Variants in CDHR2 observed in about 807,000 individuals in gnomAD.
CDHR2 encodes cadherin-related family member 2.
In CDHR2, 104 loss-of-function variants were observed where a neutral mutation model predicts 138.6. That is an observed-to-expected ratio of 0.75 (90% CI 0.64 to 0.88). The LOEUF is 0.88. Among genes scored for constraint, CDHR2 ranks in the 40% least tolerant of loss-of-function variants. The probability of loss-of-function intolerance (pLI) is 0.00; values close to 1 mark genes in which losing one functional copy is unlikely to be tolerated. For missense variants in CDHR2, 1,624 were observed against 1,727.6 expected, an observed-to-expected ratio of 0.94 and a Z score of 1.06; for synonymous variants, 755 against 742.8, an observed-to-expected ratio of 1.02 and a Z score of -0.27.
At chr5:176,548,237 G>A (rs1757626885), upstream of CDHR2, among the ~76,000 whole-genome samples, 1 of 152,246 alleles carries the variant, frequency 6.6e-6, no homozygotes, top group African/African-American at 2.4e-5. Flanking sequence ...CAGATATATG[G>A]TGCATGACTA....
chr5:176,573,912 TGCC>T (rs1304503138), intron 6 of CDHR2, among the ~76,000 whole-genome samples, 168 bp from the exon 7 acceptor site: 1 of 152,064 alleles, frequency 6.6e-6, no homozygotes, highest in Admixed American at 6.5e-5. Flanking sequence ...AGATCCTCTC[TGCC>T]GCCCCGCACC....
Position 176,565,618 on chromosome 5 carries a change from G to A in CDHR2, c.53-54G>A, listed in dbSNP as rs1469951565. 2.0e-6 allele frequency: 3 copies of A among 1,506,906 alleles called. No individual in the cohort carries two copies. In the East Asian group the frequency reaches 6.9e-5, roughly 35 times the overall value. 93.3% of individuals were successfully genotyped at this position (1,506,906 alleles called of 1,614,324 possible). A position where few individuals can be genotyped will look rare whatever the true frequency, so the allele number is the denominator to read the frequency against. On this transcript the variant is annotated intron_variant, in intron 2 of 31. Coordinates refer to ENST00000261944, the MANE Select transcript of CDHR2 (RefSeq NM_017675.6). ...GTGTGTGCTCCCAGGGGAGCAGGTA[G>A]GGATCGGGTTTTGCAGGGGTGTCCC...
chr5:176,574,807 T>C lies in CDHR2; in HGVS notation c.496-277T>C, dbSNP rs1297880735. Among the ~76,000 whole-genome samples, 5 of 152,226 alleles carry C rather than the reference T, an allele frequency of 3.3e-5. No homozygotes were observed. In the East Asian group the frequency reaches 9.6e-4, roughly 29 times the overall value. On this transcript the variant is annotated intron_variant, in intron 7 of 31. Transcript: ENST00000261944. ...CGCAACCATTGTGAGTGAGCCTAGCTACAGTTTTGATCTGTGCTGGTCAAA... is the reference window on the plus strand; with the variant it reads ...CGCAACCATTGTGAGTGAGCCTAGCCACAGTTTTGATCTGTGCTGGTCAAA...
At chr5:176,573,753 T>A (rs1052016598) in intron 6 of CDHR2, among the ~76,000 whole-genome samples, 1 of 152,116 alleles carries the variant, frequency 6.6e-6, no homozygotes, top group African/African-American at 2.4e-5. Context: ...CCCATGGCTA[T>A]AGGCTGTAGA....
rs200133227 is a variant in CDHR2, at chr5:176,590,297, A to G, written c.3320A>G (p.Asn1107Ser). ...SYLDAYFVFP[N>S]GSALTLDELS... The stretch of plus-strand genomic sequence containing the variant: ...CTCGATGCCTACTTTGTCTTCCCCA[A>G]TGGGTCAGCCCTGACCCTTGATGAG... Residue 1107 changes from asparagine to serine, a missense_variant, in exon 26 of 32, where the codon AAT becomes AGT. Around this residue, in one of 3 missense-constraint regions of CDHR2, gnomAD observed 556 missense variants for 565.7 expected, o/e 0.98. Transcript: ENST00000261944. 48 of 1,613,894 alleles carry G rather than the reference A, an allele frequency of 3.0e-5. No homozygotes were observed. Among genetic ancestry groups the G allele is most frequent in the East Asian group, 1.6e-4 (7 of 44,870 alleles).
At chr5:176,572,975 A>C (rs566583291) in intron 6 of CDHR2, among the ~76,000 whole-genome samples, 3 of 152,368 alleles carry the variant, frequency 2.0e-5, no homozygotes, top group Admixed American at 2.0e-4. Context: ...GAGACAAGGC[A>C]AAGTCAAGGA....
intron 19 of CDHR2, 138 bp downstream of exon 19, chr5:176,585,153 C>A: frequency 9.2e-7 from 1 of 1,091,252 alleles, no homozygotes. Context: ...GGGAAAGTCC[C>A]AAACCCTCTC....
chr5:176,574,973 G>C, intron 7 of CDHR2, 111 bp from the exon 8 acceptor site: 1 of 1,313,324 alleles, frequency 7.6e-7, no homozygotes, highest in Non-Finnish European at 1.1e-6. Flanking sequence ...CCTGGTGCCA[G>C]TGGCGTGACT....
At chr5:176,552,414 A>G (rs758243116) in intron 1 of CDHR2, among the ~76,000 whole-genome samples, 1 of 152,210 alleles carries the variant, frequency 6.6e-6, no homozygotes, top group Non-Finnish European at 1.5e-5. Flanking sequence ...ATTCAACACC[A>G]CTGGACCTCA....
In CDHR2 at chr5:176,584,918, C is replaced by T. The variant is rs757210685; in HGVS notation, c.2637C>T (p.Ser879=). 12 of 1,609,372 alleles carry T rather than the reference C, an allele frequency of 7.5e-6. No homozygotes were observed. The highest frequency in any genetic ancestry group is 1.0e-5 in the Non-Finnish European group (12 of 1,177,820). The change falls in exon 19 of 32, where the codon AGC becomes AGT. Residue 879 remains serine (S), a synonymous_variant. Coordinates refer to ENST00000261944, the MANE Select transcript of CDHR2 (RefSeq NM_017675.6). ...ACGGCTCTGTGTACATCAACCAGAGCAAAGCCATCGACTACGAGGCCTGTG... is the reference window on the plus strand; with the variant it reads ...ACGGCTCTGTGTACATCAACCAGAGTAAAGCCATCGACTACGAGGCCTGTG... The part of the protein sequence containing the change: ...AANGSVYINQ[S]KAIDYEACDL...
At chr5:176,583,470 G>A (rs1561878061) in intron 17 of CDHR2, among the ~76,000 whole-genome samples, 1 of 152,216 alleles carries the variant, frequency 6.6e-6, no homozygotes, top group East Asian at 1.9e-4. Flanking sequence ...CACCTGTTAT[G>A]TGACCCACAA....
At chr5:176,572,906 C>T (rs926857405) in intron 6 of CDHR2, among the ~76,000 whole-genome samples, 2 of 152,184 alleles carry the variant, frequency 1.3e-5, no homozygotes, top group African/African-American at 2.4e-5. Flanking sequence ...CAGACAGGAA[C>T]CAATGAAACA....
chr5:176,576,174 G>A lies in CDHR2; in HGVS notation c.1183G>A (p.Asp395Asn), dbSNP rs768702763. The A allele has an allele frequency of 5.0e-6, 8 of 1,609,442 alleles. No homozygotes were observed. Among genetic ancestry groups the A allele is most frequent in the Non-Finnish European group, 5.9e-6 (7 of 1,178,752 alleles). ...CGATGACCTCACCATGGTGGTCTAC[G>A]ACCCGGACAAGGCAGGCGTGGTGGC... ...PIDDLTMVVYDPDKGSNGTFL... is the reference protein window; with the variant it reads ...PIDDLTMVVYNPDKGSNGTFL... The change falls in exon 12 of 32, where the codon GAC (aspartate) becomes AAC (asparagine). Residue 395 changes from aspartate (D) to asparagine (N), a missense_variant. Physicochemically the swap from Asp to Asn is conservative, Grantham distance 23. Transcript: ENST00000261944. This position sits in a 1 kb window ranked among gnomAD's most constrained non-coding sequence, Gnocchi z 4.5.
Position 176,584,143 on chromosome 5 carries a change from G to A in CDHR2, c.2059-47G>A, listed in dbSNP as rs181200509. Reference sequence around the variant, plus strand: ...ATTGGTTTCTCGGATTGGCTCTGGGGAGGGTGAGATTGGATCCCGGGGACT... The same window carrying A: ...ATTGGTTTCTCGGATTGGCTCTGGGAAGGGTGAGATTGGATCCCGGGGACT... On this transcript the variant is annotated intron_variant, in intron 17 of 31. Coordinates refer to ENST00000261944, the MANE Select transcript of CDHR2 (RefSeq NM_017675.6). 4 of 1,520,678 alleles carry A rather than the reference G, an allele frequency of 2.6e-6. No homozygotes were observed. The East Asian group carries it at 9.0e-5, about 34-fold the overall frequency. The allele number at this position is 1,520,678 out of a possible 1,614,324, so 94.2% of individuals were successfully genotyped here.
At position 176,584,560 on chromosome 5, in the gene CDHR2, T is replaced by C. The variant is rs1758608951; in HGVS notation, c.2279T>C (p.Leu760Pro). The change falls in exon 19 of 32, where the codon CTG becomes CCG. Residue 760 changes from leucine (L) to proline (P), a missense_variant. Physicochemically the swap from Leu to Pro is moderately conservative, Grantham distance 98. Coordinates refer to ENST00000261944, the MANE Select transcript of CDHR2 (RefSeq NM_017675.6). ...GGGTGGGCTGAGGGCTACCTCCGGCTGCCCCCGGACGTGAGCCTGGATTAC... is the reference window on the plus strand; with the variant it reads ...GGGTGGGCTGAGGGCTACCTCCGGCCGCCCCCGGACGTGAGCCTGGATTAC... ...GAGWAEGYLR[L>P]PPDVSLDYET... 7 of 1,611,942 alleles carry C rather than the reference T, an allele frequency of 4.3e-6. No individual in the cohort carries two copies. The Admixed American group carries it at 1.0e-4, about 23-fold the overall frequency.
At chr5:176,590,970 C>T (rs1353593006) in intron 28 of CDHR2, among the ~76,000 whole-genome samples, 2 of 152,250 alleles carry the variant, frequency 1.3e-5, no homozygotes, top group Non-Finnish European at 2.9e-5. Context: ...TTAATAGATG[C>T]TGCTGCTTTT....
At chr5:176,593,562 C>T (rs888501644) in intron 31 of CDHR2, among the ~76,000 whole-genome samples, 4 of 152,152 alleles carry the variant, frequency 2.6e-5, no homozygotes, top group Admixed American at 6.5e-5. Flanking sequence ...TCTCTCCTTC[C>T]CACTTTGAAA....
chr5:176,561,971 C>T (rs1172788308), intron 1 of CDHR2, among the ~76,000 whole-genome samples: 1 of 152,012 alleles, frequency 6.6e-6, no homozygotes, highest in Non-Finnish European at 1.5e-5. Context: ...GAAGAGAGTG[C>T]ATCAGCCAGC....
At chr5:176,578,006 A>G in intron 14 of CDHR2, 28 bp from the exon 15 acceptor site, 3 of 1,599,344 alleles carry the variant, frequency 1.9e-6, no homozygotes, top group Non-Finnish European at 2.6e-6. Context: ...GCCTCCACAC[A>G]GCACCCTGCC....
Sources: allele counts gnomAD v4.1 joint callset (sites outside exome capture counted in the v4.1 genomes callset), GRCh38; gene constraint gnomAD v4.1.1; regional missense constraint gnomAD v4.1.1; non-coding constraint Gnocchi (gnomAD v3.1); transcripts MANE v1.5; gene names NCBI Gene and HGNC (gene_info 2026-07-23, HGNC 2026-07-21).